Variants in ATRIP observed in about 807,000 individuals in gnomAD.
ATRIP encodes ATR interacting protein.
ATRIP carries 44 observed loss-of-function variants against 78.1 expected under a neutral mutation model. The ratio of observed to expected loss-of-function variants is 0.56; its 90% CI spans 0.44 to 0.72. The LOEUF is 0.72. Among genes scored for constraint, ATRIP ranks in the 30% least tolerant of loss-of-function variants. The pLI, the probability that ATRIP is intolerant of heterozygous loss-of-function variation, is 0.00. For synonymous variants in ATRIP, 388 were observed against 408.9 expected (o/e 0.95, Z 0.62); for missense variants, 927 against 980.2 (o/e 0.95, Z 0.72).
Position 48,467,476 on chromosome 3 carries a change from C to T in ATRIP, c.*1922C>T, listed in dbSNP as rs867894178. On this transcript the variant is annotated 3_prime_UTR_variant, in exon 13 of 13. Coordinates refer to ENST00000320211, the MANE Select transcript of ATRIP (RefSeq NM_130384.3). ...GAGAGCAGGGGTACCAAGGATCTTCCTCCAGTGAAGGACCCTGGAGCCCTA... is the reference window on the plus strand; with the variant it reads ...GAGAGCAGGGGTACCAAGGATCTTCTTCCAGTGAAGGACCCTGGAGCCCTA... The T allele has an allele frequency of 1.2e-6, 2 of 1,614,054 alleles. No individual in the cohort carries two copies. Among genetic ancestry groups the T allele is most frequent in the South Asian group, 2.2e-5 (2 of 91,092 alleles).
chr3:48,459,646 C>G, intron 6 of ATRIP, 141 bp from the exon 7 acceptor site: 1 of 1,243,968 alleles, frequency 8.0e-7, no homozygotes, highest in Non-Finnish European at 1.1e-6. Flanking sequence ...CAGAGCCTTC[C>G]GCACCCACAG....
chr3:48,467,535 C>T lies in ATRIP; in HGVS notation c.*1981C>T, dbSNP rs988845359. ...GGGGCTGCTGGCCCCACTGGGTCTG[C>T]TGGCCATCCTGACCTTGGCAGTAGC... On this transcript the variant is annotated 3_prime_UTR_variant, in exon 13 of 13. Transcript: ENST00000320211. 1 of 1,613,880 alleles carries T rather than the reference C, an allele frequency of 6.2e-7. No individual in the cohort carries two copies. Among genetic ancestry groups the T allele is most frequent in the African/African-American group, 1.3e-5 (1 of 75,068 alleles).
chr3:48,459,906 G>C lies in ATRIP; in HGVS notation c.1045G>C (p.Gly349Arg). Reference protein sequence around the residue: ...SPAGTPLQPPGFGSTLAGMSG... With the variant: ...SPAGTPLQPPRFGSTLAGMSG... ...TGCTGGCACCCCCCTGCAGCCACCA[G>C]GGTTTGGCAGGTAAGCATAAGACTC... The change falls in exon 7 of 13, where the codon GGG (glycine) becomes CGG (arginine). Residue 349 changes from glycine (G) to arginine (R), a missense_variant. Coordinates refer to ENST00000320211, the MANE Select transcript of ATRIP (RefSeq NM_130384.3). The C allele has an allele frequency of 4.3e-6, 7 of 1,610,110 alleles. No homozygotes were observed. The highest frequency in any genetic ancestry group is 5.9e-6 in the Non-Finnish European group (7 of 1,178,852).
In ATRIP at chr3:48,460,135, A is replaced by G. The variant is rs890361567; in HGVS notation, c.1081A>G (p.Arg361Gly). The G allele has an allele frequency of 6.2e-7, 1 of 1,612,712 alleles. No homozygotes were observed. Reference sequence around the variant, plus strand: ...TACCTTGGCTGGAATGTCAGGCCTCAGGACCACAGGTTCTTATGATGGGTC... The same window carrying G: ...TACCTTGGCTGGAATGTCAGGCCTCGGGACCACAGGTTCTTATGATGGGTC... The part of the protein sequence containing the change: ...GSTLAGMSGL[R>G]TTGSYDGSFS... The change falls in exon 8 of 13, where the codon AGG becomes GGG. Residue 361 changes from arginine (R) to glycine (G), a missense_variant. Physicochemically the swap from Arg to Gly is moderately radical, Grantham distance 125. Transcript: ENST00000320211.
Position 48,466,973 on chromosome 3 carries a change from C to T in ATRIP, c.*1419C>T. ...AATGTTTTGATGACAACCTGGCCAA[C>T]CTGCTCCTAGCCTTCCTGCGGCGCC... On this transcript the variant is annotated 3_prime_UTR_variant, in exon 13 of 13. Coordinates refer to ENST00000320211, the MANE Select transcript of ATRIP (RefSeq NM_130384.3). 6.2e-7 allele frequency: 1 copy of T among 1,612,768 alleles called. No individual in the cohort carries two copies. The highest frequency in any genetic ancestry group is 2.2e-5 in the East Asian group (1 of 44,886).
At chr3:48,450,447 C>T (rs1234649158) in intron 2 of ATRIP, 1 of 1,173,582 alleles carries the variant, frequency 8.5e-7, no homozygotes, top group Non-Finnish European at 1.1e-6. Context: ...CATGTATCTT[C>T]ATGTGAATAA....
chr3:48,467,553 GCAGTAGC>G lies in ATRIP; in HGVS notation c.*2002_*2008del. ...GGGTCTGCTGGCCATCCTGACCTTGGCAGTAGCCACACTGTATGGACTATCCCTGGCC... is the reference window on the plus strand; with the variant it reads ...GGGTCTGCTGGCCATCCTGACCTTGGCACACTGTATGGACTATCCCTGGCC... On this transcript the variant is annotated 3_prime_UTR_variant, in exon 13 of 13. Coordinates refer to ENST00000320211, the MANE Select transcript of ATRIP (RefSeq NM_130384.3). The G allele has an allele frequency of 6.2e-7, 1 of 1,613,828 alleles. No homozygotes were observed. Among genetic ancestry groups the G allele is most frequent in the Non-Finnish European group, 8.5e-7 (1 of 1,179,974 alleles).
chr3:48,447,237 G>A (rs2039702457), intron 1 of ATRIP, 145 bp downstream of exon 1: 1 of 1,269,610 alleles, frequency 7.9e-7, no homozygotes, highest in Non-Finnish European at 9.9e-7. Flanking sequence ...AGCAGCGGTT[G>A]TCTTCCAGAA....
chr3:48,466,130 G>A lies in ATRIP; in HGVS notation c.*576G>A, dbSNP rs886058622. On this transcript the variant is annotated 3_prime_UTR_variant, in exon 13 of 13. Transcript: ENST00000320211. ...CCCCCGGGAGCAGGGGAGTGGGTGTGGGGGGGAACGGATGGTGGTGAGAGG... is the reference window on the plus strand; with the variant it reads ...CCCCCGGGAGCAGGGGAGTGGGTGTAGGGGGGAACGGATGGTGGTGAGAGG... The A allele has an allele frequency of 2.9e-5, 12 of 420,378 alleles. No homozygotes were observed. The highest frequency in any genetic ancestry group is 4.1e-5 in the African/African-American group (2 of 49,378). The allele number at this position is 420,378 out of a possible 1,614,324, so 26.0% of individuals were successfully genotyped here.
intron 1 of ATRIP, among the ~76,000 whole-genome samples, chr3:48,449,187 G>T (rs574103381): frequency 6.6e-6 from 1 of 152,200 alleles, no homozygotes; most frequent in African/African-American, 2.4e-5. Context: ...GCCAAGGTGG[G>T]CTGATCACTT....
At chr3:48,449,913 G>A in intron 1 of ATRIP, 124 bp from the exon 2 acceptor site, 1 of 1,070,120 alleles carries the variant, frequency 9.3e-7, no homozygotes, top group Non-Finnish European at 1.3e-6. Context: ...ACTCCAACCT[G>A]GGTAACAGAG....
At position 48,467,632 on chromosome 3, in the gene ATRIP, C is replaced by T; in HGVS notation, c.*2078C>T. 6.3e-7 allele frequency: 1 copy of T among 1,598,252 alleles called. No homozygotes were observed. Among genetic ancestry groups the T allele is most frequent in the Non-Finnish European group, 8.5e-7 (1 of 1,172,170 alleles). ...AAGGAAAATCTGACGAATAAAGACC[C>T]CCGCTGCCCCATAGCACTGAGTGGT... On this transcript the variant is annotated 3_prime_UTR_variant, in exon 13 of 13. Transcript: ENST00000320211.
intron 4 of ATRIP, among the ~76,000 whole-genome samples, chr3:48,455,742 C>T (rs1384617024): frequency 6.6e-6 from 1 of 151,946 alleles, no homozygotes; most frequent in African/African-American, 2.4e-5. Context: ...AGGTGATCCA[C>T]CCACCTCAGC....
chr3:48,446,786 C>A lies in ATRIP; in HGVS notation c.-60C>A. On this transcript the variant is annotated 5_prime_UTR_variant, in exon 1 of 13. Coordinates refer to ENST00000320211, the MANE Select transcript of ATRIP (RefSeq NM_130384.3). The stretch of plus-strand genomic sequence containing the variant: ...CGCGCGGACGGTTGGTCCAGTTCTC[C>A]GGCCTGGCGGCAGGCAAGTCTAGCT... 4 of 1,353,872 alleles carry A rather than the reference C, an allele frequency of 3.0e-6. No homozygotes were observed. The highest frequency in any genetic ancestry group is 3.8e-6 in the Non-Finnish European group (4 of 1,051,188). The allele number at this position is 1,353,872 out of a possible 1,614,324, so 83.9% of individuals were successfully genotyped here.
intron 5 of ATRIP, among the ~76,000 whole-genome samples, chr3:48,457,785 T>C (rs773001484): frequency 4.0e-5 from 6 of 151,700 alleles, no homozygotes; most frequent in Non-Finnish European, 1.5e-5. Flanking sequence ...CTCTGCCACA[T>C]TGTATTTGTT....
intron 9 of ATRIP, 55 bp from the exon 10 acceptor site, chr3:48,463,986 C>A: frequency 6.2e-7 from 1 of 1,604,942 alleles, no homozygotes; most frequent in South Asian, 1.1e-5. Flanking sequence ...AGTATGTAGC[C>A]CACGCTCTTT....
intron 1 of ATRIP, 111 bp downstream of exon 1, chr3:48,447,203 A>T (rs1575270970): frequency 7.8e-7 from 1 of 1,290,274 alleles, no homozygotes; most frequent in Middle Eastern, 2.6e-4. Flanking sequence ...TCGCCTTTTT[A>T]AAATATGGGA....
At chr3:48,455,339 T>C (rs1418681163) in intron 4 of ATRIP, among the ~76,000 whole-genome samples, 1 of 152,200 alleles carries the variant, frequency 6.6e-6, no homozygotes, top group Non-Finnish European at 1.5e-5. Context: ...GACCTCAGCA[T>C]TATATGATCA....
intron 4 of ATRIP, among the ~76,000 whole-genome samples, chr3:48,455,061 C>T (rs2039922932): frequency 6.6e-6 from 1 of 152,074 alleles, no homozygotes; most frequent in South Asian, 2.1e-4. Context: ...CGGAGTTTCA[C>T]CATGTTGGCC....
Sources: allele counts gnomAD v4.1 joint callset (sites outside exome capture counted in the v4.1 genomes callset), GRCh38; gene constraint gnomAD v4.1.1; transcripts MANE v1.5; gene names NCBI Gene and HGNC (gene_info 2026-07-23, HGNC 2026-07-21).